HECTD4: variants seen among roughly 807,000 people sequenced by gnomAD.
HECTD4 encodes the protein probable E3 ubiquitin-protein ligase HECTD4.
A neutral mutation model predicts 471.5 loss-of-function variants in HECTD4; 114 were observed. The observed-to-expected ratio is 0.24, with a 90% CI of 0.21 to 0.28. The LOEUF is 0.28. Ranked by LOEUF, HECTD4 falls within the 10% of genes least tolerant of loss-of-function variation. The pLI is 1.00. For missense variants in HECTD4, 3,866 were observed against 5,651.5 expected, an observed-to-expected ratio of 0.68 and a Z score of 10.13; for synonymous variants, 2,012 against 2,256.0, an observed-to-expected ratio of 0.89 and a Z score of 3.07.
chr12:112,347,225 C>T (rs891275795), intron 1 of HECTD4, among the ~76,000 whole-genome samples: 3 of 151,992 alleles, frequency 2.0e-5, no homozygotes, highest in Non-Finnish European at 4.4e-5. Context: ...AAAAAGGAGA[C>T]TCAGCCAGGC....
In HECTD4 at chr12:112,183,177, A is replaced by G. The variant is rs1219060685; in HGVS notation, c.10869T>C (p.Asp3623=). ...CTTCTGTTGACATTTCCATCAATTC[A>G]TCTTCACCATCCAAACTTGACAAAC... The part of the protein sequence containing the change: ...LIGLSSLDGE[D]ELMEMSTEEI... The change falls in exon 62 of 76, where the codon GAT becomes GAC. Residue 3623 remains aspartate, a synonymous_variant. Coordinates refer to ENST00000682272, the MANE Select transcript of HECTD4 (RefSeq NM_001388303.1). 1.2e-6 allele frequency: 2 copies of G among 1,613,834 alleles called. No homozygotes were observed.
At position 112,213,351 on chromosome 12, in the gene HECTD4, T is replaced by C. The variant is rs2032819657; in HGVS notation, c.7466-701A>G. ...TTATGACGAATAAGTAAAAAGGTAT[T>C]AGTAATATCATCTCCGGTGAATATT... On this transcript the variant is annotated intron_variant, in intron 48 of 75. Transcript: ENST00000682272. The surrounding 1 kb of genome is among the most constrained non-coding windows in gnomAD (Gnocchi z 4.0). Among the ~76,000 whole-genome samples the C allele has an allele frequency of 6.6e-6, 1 of 152,130 alleles. No individual in the cohort carries two copies. Among genetic ancestry groups the C allele is most frequent in the Non-Finnish European group, 1.5e-5 (1 of 68,026 alleles).
intron 14 of HECTD4, 149 bp from the exon 15 acceptor site, chr12:112,266,132 C>T (rs2034267332): frequency 6.7e-6 from 4 of 601,226 alleles, no homozygotes; most frequent in South Asian, 2.1e-5. Flanking sequence ...GCAAAAACGA[C>T]ATCACAACGA....
chr12:112,195,558 C>A lies in HECTD4; in HGVS notation c.8568-492G>T, dbSNP rs142670905. Among the ~76,000 whole-genome samples the A allele has an allele frequency of 2.8e-3, 423 of 152,230 alleles. 12 individuals carry two copies. The highest frequency in any genetic ancestry group is 0.024 in the Admixed American group (369 of 15,292). On this transcript the variant is annotated intron_variant, in intron 55 of 75. Transcript: ENST00000682272. ...TCTGTAAATTGTCCAGAGGAAAATGCATAGAAACAGAAAATAGATTGGTGG... is the reference window on the plus strand; with the variant it reads ...TCTGTAAATTGTCCAGAGGAAAATGAATAGAAACAGAAAATAGATTGGTGG...
Position 112,381,836 on chromosome 12 carries a change from TGCCCCGGCAGCCGCCGGGAGGCGAG to T in HECTD4, c.177+91_177+115del. The T allele has an allele frequency of 1.4e-6, 1 of 691,954 alleles. No individual in the cohort carries two copies. The highest frequency in any genetic ancestry group is 2.0e-6 in the Non-Finnish European group (1 of 504,524). 42.9% of individuals were successfully genotyped at this position (691,954 alleles called of 1,614,324 possible). A position where few individuals can be genotyped will look rare whatever the true frequency, so the allele number is the denominator to read the frequency against. The stretch of plus-strand genomic sequence containing the variant: ...TGCCCGCCCCGCGCCCACACACACC[TGCCCCGGCAGCCGCCGGGAGGCGAG>T]GCCGCGGCTGAGGCGAGGAGGGGGC... On this transcript the variant is annotated intron_variant, in intron 1 of 75. Transcript: ENST00000682272. This position sits in a 1 kb window ranked among gnomAD's most constrained non-coding sequence, Gnocchi z 4.1.
intron 66 of HECTD4, among the ~76,000 whole-genome samples, chr12:112,174,643 C>T (rs2031367523): frequency 1.3e-5 from 2 of 150,070 alleles, no homozygotes; most frequent in African/African-American, 2.5e-5. Flanking sequence ...CGGCTCACTG[C>T]AACCTCTGCC....
rs2034189739 is a variant in HECTD4, at chr12:112,263,283, G to A, written c.2748+801C>T. Among the ~76,000 whole-genome samples the A allele has an allele frequency of 2.0e-5, 3 of 152,290 alleles. No homozygotes were observed. In the South Asian group the frequency reaches 6.2e-4, roughly 32 times the overall value. On this transcript the variant is annotated intron_variant, in intron 17 of 75. Coordinates refer to ENST00000682272, the MANE Select transcript of HECTD4 (RefSeq NM_001388303.1). ...TATTTAAATAGTATATATGCATAAA[G>A]GAGTAAGAAAGGGGCAAACTGCATT... is the stretch of plus-strand genomic sequence containing the variant.
intron 13 of HECTD4, 25 bp downstream of exon 13, chr12:112,269,679 A>T (rs1220707484): frequency 6.2e-7 from 1 of 1,612,142 alleles, no homozygotes; most frequent in Non-Finnish European, 8.5e-7. Context: ...TGCAGAGAGC[A>T]CTACAAAAAT....
At position 112,381,248 on chromosome 12, in the gene HECTD4, C is replaced by A. The variant is rs1279022725; in HGVS notation, c.177+704G>T. On this transcript the variant is annotated intron_variant, in intron 1 of 75. Transcript: ENST00000682272. This position sits in a 1 kb window ranked among gnomAD's most constrained non-coding sequence, Gnocchi z 4.1. ...GTTGCACCTGCCACGGCTCTGAACC[C>A]GGGATGCTTGGCGACCCCCGGGGCA... Among the ~76,000 whole-genome samples the A allele has an allele frequency of 1.3e-5, 2 of 151,956 alleles. No homozygotes were observed. Among genetic ancestry groups the A allele is most frequent in the African/African-American group, 4.8e-5 (2 of 41,364 alleles).
chr12:112,194,912 T>G lies in HECTD4; in HGVS notation c.8722A>C (p.Asn2908His). The G allele has an allele frequency of 1.9e-6, 3 of 1,608,572 alleles. No homozygotes were observed. The highest frequency in any genetic ancestry group is 2.5e-6 in the Non-Finnish European group (3 of 1,177,678). The part of the protein sequence containing the change: ...ITLEHLQLLS[N>H]QLLAPPLPDG... Reference sequence around the variant, plus strand: ...GGGAGAGGAGGTGCGAGGAGCTGATTGGACAGCAGTTGCAGGTGCTCCAGG... The same window carrying G: ...GGGAGAGGAGGTGCGAGGAGCTGATGGGACAGCAGTTGCAGGTGCTCCAGG... Residue 2908 changes from asparagine to histidine, a missense_variant, in exon 56 of 76, where the codon AAT becomes CAT. Coordinates refer to ENST00000682272, the MANE Select transcript of HECTD4 (RefSeq NM_001388303.1). The surrounding 1 kb of genome is among the most constrained non-coding windows in gnomAD (Gnocchi z 4.6).
Position 112,235,493 on chromosome 12 carries a change from G to C in HECTD4, c.5725+11C>G. On this transcript the variant is annotated intron_variant, in intron 36 of 75. Coordinates refer to ENST00000682272, the MANE Select transcript of HECTD4 (RefSeq NM_001388303.1). The surrounding 1 kb of genome is among the most constrained non-coding windows in gnomAD (Gnocchi z 5.0). ...ACTGCCATGCTACTCTCCTGTTGAG[G>C]AGCTTCTCACCTGGAACCACATAAT... is the stretch of plus-strand genomic sequence containing the variant. 2 of 1,598,624 alleles carry C rather than the reference G, an allele frequency of 1.3e-6. No homozygotes were observed. The highest frequency in any genetic ancestry group is 1.7e-6 in the Non-Finnish European group (2 of 1,171,846).
chr12:112,273,275 AC>A (rs2034456031), intron 11 of HECTD4, among the ~76,000 whole-genome samples: 1 of 152,194 alleles, frequency 6.6e-6, no homozygotes, highest in Admixed American at 6.5e-5. Context: ...AAGGTCCTTC[AC>A]TGGTAATTCT....
rs1253563080 is a variant in HECTD4 at position 112,173,556 on chromosome 12, A to AT, written c.11595-696dup. Among the ~76,000 whole-genome samples the AT allele has an allele frequency of 1.7e-3, 244 of 145,030 alleles. No homozygotes were observed. The highest frequency in any genetic ancestry group is 4.4e-3 in the African/African-American group (175 of 39,698). On this transcript the variant is annotated intron_variant, in intron 66 of 75. Coordinates refer to ENST00000682272, the MANE Select transcript of HECTD4 (RefSeq NM_001388303.1). This position sits in a 1 kb window ranked among gnomAD's most constrained non-coding sequence, Gnocchi z 4.3. ...AGGCGCCTGCCACCACACCTGGCTA[A>AT]TTTTTTTTTTTGTATTTTTAGTAGA... is the stretch of plus-strand genomic sequence containing the variant.
chr12:112,169,605 C>A lies in HECTD4; in HGVS notation c.12106G>T (p.Ala4036Ser). Residue 4036 changes from alanine to serine, a missense_variant, in exon 70 of 76, where the codon GCC becomes TCC. This residue lies in a region of HECTD4 where 715 missense variants were observed against 1,087.6 expected (regional missense o/e 0.66). Coordinates refer to ENST00000682272, the MANE Select transcript of HECTD4 (RefSeq NM_001388303.1). ...CAGAGCTGAGACGACGGCACTGAGGCCAGCTGCCTGGCAGCCTGACAGAAG... is the reference window on the plus strand; with the variant it reads ...CAGAGCTGAGACGACGGCACTGAGGACAGCTGCCTGGCAGCCTGACAGAAG... ...SYFCQAARQLASVPSSQLCVK... is the reference protein window; with the variant it reads ...SYFCQAARQLSSVPSSQLCVK... The A allele has an allele frequency of 6.2e-7, 1 of 1,613,666 alleles. No homozygotes were observed. The highest frequency in any genetic ancestry group is 8.5e-7 in the Non-Finnish European group (1 of 1,179,884).
At chr12:112,207,793 C>T (rs2032637140) in intron 52 of HECTD4, 81 bp downstream of exon 52, 1 of 1,517,580 alleles carries the variant, frequency 6.6e-7, no homozygotes, top group African/African-American at 1.4e-5. Context: ...TGAGTCTCTC[C>T]TGATTTACAT....
chr12:112,255,221 TA>T (rs2033981818), intron 21 of HECTD4, among the ~76,000 whole-genome samples: 1 of 152,232 alleles, frequency 6.6e-6, no homozygotes, highest in South Asian at 2.1e-4. Context: ...CCCATTTCTA[TA>T]TTAAAAGTCA....
intron 8 of HECTD4, 122 bp from the exon 9 acceptor site, chr12:112,279,508 T>A: frequency 1.2e-6 from 1 of 823,652 alleles, no homozygotes; most frequent in Non-Finnish European, 1.9e-6. Context: ...GAAAACAGAT[T>A]TCCAGATTAG....
At chr12:112,283,578 C>T (rs527602432) in intron 7 of HECTD4, among the ~76,000 whole-genome samples, 5 of 152,284 alleles carry the variant, frequency 3.3e-5, no homozygotes, top group Middle Eastern at 3.4e-3. Context: ...CCACAGGCAG[C>T]GCTTACTAAT....
intron 22 of HECTD4, 76 bp from the exon 23 acceptor site, chr12:112,252,604 A>C: frequency 6.6e-7 from 1 of 1,520,076 alleles, no homozygotes; most frequent in Non-Finnish European, 8.9e-7. Context: ...TGAATTTCAG[A>C]GGTTTACTTT....
Sources: allele counts gnomAD v4.1 joint callset (sites outside exome capture counted in the v4.1 genomes callset), GRCh38; gene constraint gnomAD v4.1.1; regional missense constraint gnomAD v4.1.1; non-coding constraint Gnocchi (gnomAD v3.1); transcripts MANE v1.5; gene names NCBI Gene and HGNC (gene_info 2026-07-23, HGNC 2026-07-21).